ROBO2: variants seen among roughly 807,000 people sequenced by gnomAD.
ROBO2 encodes roundabout guidance receptor 2, also known as roundabout homolog 2.
A neutral mutation model predicts 160.8 loss-of-function variants in ROBO2; 53 were observed. The observed-to-expected ratio is 0.33, with a 90% CI of 0.26 to 0.41. The LOEUF is 0.41. Ranked by LOEUF, ROBO2 falls within the 10% of genes least tolerant of loss-of-function variation. The probability of loss-of-function intolerance (pLI) is 1.00; values close to 1 mark genes in which losing one functional copy is unlikely to be tolerated. For missense variants in ROBO2, 1,577 were observed against 1,722.4 expected, an observed-to-expected ratio of 0.92 and a Z score of 1.49; for synonymous variants, 664 against 611.7, an observed-to-expected ratio of 1.09 and a Z score of -1.26.
intron 2 of ROBO2, among the ~76,000 whole-genome samples, chr3:77,280,552 G>A (rs1265119873): frequency 6.6e-6 from 1 of 152,042 alleles, no homozygotes; most frequent in African/African-American, 2.4e-5. Flanking sequence ...GTAGCCAAAA[G>A]GAATTAATAG....
At chr3:76,502,651 A>G (rs1460202508) in intron 2 of ROBO2, among the ~76,000 whole-genome samples, 1 of 152,190 alleles carries the variant, frequency 6.6e-6, no homozygotes, top group Non-Finnish European at 1.5e-5. Flanking sequence ...TGATATAGGC[A>G]TGCAATGTGA....
chr3:76,356,332 T>C (rs1325194820), intron 2 of ROBO2, among the ~76,000 whole-genome samples: 1 of 151,392 alleles, frequency 6.6e-6, no homozygotes, highest in Non-Finnish European at 1.5e-5. Flanking sequence ...CTAAATACAA[T>C]TATATCAATA....
At position 76,313,194 on chromosome 3, in the gene ROBO2, T is replaced by C. The variant is rs2071721989; in HGVS notation, c.109+375592T>C. Among the ~76,000 whole-genome samples, 3 of 152,230 alleles carry C rather than the reference T, an allele frequency of 2.0e-5. No individual in the cohort carries two copies. The South Asian group carries it at 6.2e-4, about 31-fold the overall frequency. On this transcript the variant is annotated intron_variant, in intron 2 of 26. Coordinates refer to the ROBO2 transcript ENST00000487694. ...ACGTGTTGACTGTGCTTTAAAATTA[T>C]TTCCTTTTTAGTGCCTCTGTTTGTT...
At chr3:77,119,123 C>T (rs146296124) in intron 2 of ROBO2, among the ~76,000 whole-genome samples, 92 of 152,228 alleles carry the variant, frequency 6.0e-4, no homozygotes, top group African/African-American at 2.1e-3. Flanking sequence ...CTTCTCCTGC[C>T]ACCTTGTGAA....
intron 17 of ROBO2, among the ~76,000 whole-genome samples, chr3:77,590,947 T>C (rs2094166111): frequency 6.6e-6 from 1 of 152,122 alleles, no homozygotes; most frequent in South Asian, 2.1e-4. Flanking sequence ...ACTCAGAAGG[T>C]GCTATGCCCT....
intron 2 of ROBO2, among the ~76,000 whole-genome samples, chr3:77,248,127 A>C (rs2089940081): frequency 1.3e-5 from 2 of 152,150 alleles, no homozygotes; most frequent in African/African-American, 4.8e-5. Context: ...GGACAGCTTA[A>C]CGGTGTAGCT....
intron 2 of ROBO2, among the ~76,000 whole-genome samples, chr3:77,021,546 G>A (rs2062637758): frequency 6.6e-6 from 1 of 152,164 alleles, no homozygotes; most frequent in Admixed American, 6.5e-5. Context: ...TCCAGAGGAG[G>A]TCCTGCCCTA....
chr3:76,882,496 A>C (rs1235529030), intron 2 of ROBO2, among the ~76,000 whole-genome samples: 2 of 152,128 alleles, frequency 1.3e-5, no homozygotes, highest in Non-Finnish European at 2.9e-5. Context: ...CTTTCAGGGT[A>C]TCAAAATAGC....
intron 2 of ROBO2, among the ~76,000 whole-genome samples, chr3:76,476,909 T>A (rs1033192915): frequency 2.0e-5 from 3 of 152,194 alleles, no homozygotes; most frequent in African/African-American, 7.2e-5. Flanking sequence ...TCAGAGGTAA[T>A]GCAGATGAAT....
chr3:75,931,672 T>C (rs898542022), intron 1 of ROBO2, among the ~76,000 whole-genome samples: 4 of 152,146 alleles, frequency 2.6e-5, no homozygotes, highest in African/African-American at 9.7e-5. Flanking sequence ...TATCTATATA[T>C]AAAAATTTCA....
At chr3:77,503,680 G>C (rs1445224111) in intron 5 of ROBO2, among the ~76,000 whole-genome samples, 1 of 151,908 alleles carries the variant, frequency 6.6e-6, no homozygotes, top group African/African-American at 2.4e-5. Context: ...TTCCATGGAT[G>C]GTTATGAGTT....
At chr3:77,317,107 T>C in intron 2 of ROBO2, 1 of 1,308,540 alleles carries the variant, frequency 7.6e-7, no homozygotes, top group Admixed American at 1.7e-5. Context: ...AAAGTTGCTC[T>C]GGGTCACTCA....
chr3:76,058,800 T>TC (rs1164812340), intron 2 of ROBO2, among the ~76,000 whole-genome samples: 1 of 55,532 alleles, frequency 1.8e-5, no homozygotes, highest in African/African-American at 7.6e-5. Flanking sequence ...CCCTCCCCCC[T>TC]CCCCCCACCC....
intron 2 of ROBO2, among the ~76,000 whole-genome samples, chr3:77,288,891 A>G (rs1353646042): frequency 6.6e-6 from 1 of 151,856 alleles, no homozygotes; most frequent in Non-Finnish European, 1.5e-5. Context: ...ACATCTAGTA[A>G]AATTATCATT....
intron 2 of ROBO2, among the ~76,000 whole-genome samples, chr3:77,409,758 T>C (rs1245199868): frequency 6.6e-6 from 1 of 152,176 alleles, no homozygotes; most frequent in Non-Finnish European, 1.5e-5. Context: ...GCTCAGTTGA[T>C]TTTGATGAAG....
At chr3:77,495,283 T>A (rs1366595840) in intron 5 of ROBO2, among the ~76,000 whole-genome samples, 2 of 152,182 alleles carry the variant, frequency 1.3e-5, no homozygotes, top group Admixed American at 1.3e-4. Flanking sequence ...ATAATTTTGA[T>A]TTATAGGAAA....
chr3:76,553,583 GAA>G (rs1490562923), intron 2 of ROBO2, among the ~76,000 whole-genome samples: 1 of 152,070 alleles, frequency 6.6e-6, no homozygotes, highest in Non-Finnish European at 1.5e-5. Context: ...ACACTTATGT[GAA>G]ATGAAAATGT....
chr3:77,586,969 C>T (rs1157981643), intron 16 of ROBO2, among the ~76,000 whole-genome samples: 2 of 151,514 alleles, frequency 1.3e-5, no homozygotes, highest in East Asian at 3.9e-4. Flanking sequence ...ATACAAAAGA[C>T]CTTTCAGGAA....
chr3:76,063,670 A>G (rs2068144262), intron 2 of ROBO2, among the ~76,000 whole-genome samples: 1 of 151,902 alleles, frequency 6.6e-6, no homozygotes, highest in African/African-American at 2.4e-5. Flanking sequence ...TTTCTACCAA[A>G]CTTTTGAGAT....
Sources: allele counts gnomAD v4.1 joint callset (sites outside exome capture counted in the v4.1 genomes callset), GRCh38; gene constraint gnomAD v4.1.1; transcripts MANE v1.5; gene names NCBI Gene and HGNC (gene_info 2026-07-23, HGNC 2026-07-21).